Variants in C16orf87 observed in about 807,000 individuals in gnomAD.
C16orf87 encodes UPF0547 protein C16orf87.
Under a neutral mutation model 21.0 loss-of-function variants are expected in C16orf87, and 13 were observed. The observed-to-expected ratio is 0.62, with a 90% CI of 0.40 to 0.98. The LOEUF (loss-of-function observed/expected upper bound fraction) is 0.98, where lower values mean the gene tolerates loss of function less well. Ranked by LOEUF, C16orf87 falls within the 50% of genes least tolerant of loss-of-function variation. The probability of loss-of-function intolerance (pLI) is 0.00; values close to 1 mark genes in which losing one functional copy is unlikely to be tolerated. For synonymous variants in C16orf87, 49 were observed against 60.2 expected, an observed-to-expected ratio of 0.81 and a Z score of 0.86; for missense variants, 113 against 180.4, an observed-to-expected ratio of 0.63 and a Z score of 2.14.
In C16orf87 at chr16:46,797,154, C is replaced by T. The variant is rs891565102; in HGVS notation, c.*5798G>A. The T allele has an allele frequency of 2.0e-5, 3 of 152,110 alleles. No individual in the cohort carries two copies. The highest frequency in any genetic ancestry group is 6.5e-5 in the Admixed American group (1 of 15,280). 9.4% of individuals were successfully genotyped at this position (152,110 alleles called of 1,614,324 possible). On this transcript the variant is annotated 3_prime_UTR_variant, in exon 4 of 4. Coordinates refer to ENST00000285697, the MANE Select transcript of C16orf87 (RefSeq NM_001001436.4). ...AAAAAATAAGAGAATTAAATGTCAA[C>T]AGACCTGCACTAAAAGAAATTTTCC...
Position 46,824,345 on chromosome 16 carries a change from TCTACATCAAAAAGCTAAAAATGTA to T in C16orf87, c.163+17_163+40del. 1 of 882,576 alleles carries T rather than the reference TCTACATCAAAAAGCTAAAAATGTA, an allele frequency of 1.1e-6. No homozygotes were observed. The highest frequency in any genetic ancestry group is 1.8e-6 in the Non-Finnish European group (1 of 547,286). 54.7% of individuals were successfully genotyped at this position (882,576 alleles called of 1,614,324 possible). ...ACTTCACAAAAATTAACTTTACATT[TCTACATCAAAAAGCTAAAAATGTA>T]TTAAACTCACAGTTACCTGTAGAAG... On this transcript the variant is annotated intron_variant, in intron 2 of 3. Transcript: ENST00000285697.
At chr16:46,812,067 A>C (rs531366213) in intron 2 of C16orf87, among the ~76,000 whole-genome samples, 1 of 152,282 alleles carries the variant, frequency 6.6e-6, no homozygotes, top group South Asian at 2.1e-4. Context: ...AACATGATGA[A>C]ACCCCATCTC....
chr16:46,822,916 A>G (rs758536144), intron 2 of C16orf87, among the ~76,000 whole-genome samples: 1 of 152,160 alleles, frequency 6.6e-6, no homozygotes. Flanking sequence ...AGCCCTATAC[A>G]ATCTAGCCTC....
At chr16:46,803,557 C>G (rs1301874233) in intron 3 of C16orf87, among the ~76,000 whole-genome samples, 1 of 152,068 alleles carries the variant, frequency 6.6e-6, no homozygotes, top group East Asian at 1.9e-4. Context: ...AAAAATCACT[C>G]GTAATCTCAT....
intron 3 of C16orf87, among the ~76,000 whole-genome samples, chr16:46,806,577 T>C (rs1289004803): frequency 1.3e-5 from 2 of 152,182 alleles, no homozygotes; most frequent in African/African-American, 4.8e-5. Flanking sequence ...CTTAAGTTCA[T>C]TAATATGATG....
intron 1 of C16orf87, among the ~76,000 whole-genome samples, chr16:46,829,988 T>A (rs1265809527): frequency 1.3e-5 from 2 of 148,458 alleles, no homozygotes; most frequent in Non-Finnish European, 3.0e-5. Flanking sequence ...TTTGAAAAAA[T>A]CCACTCAGTG....
At chr16:46,813,026 G>A (rs190724220) in intron 2 of C16orf87, among the ~76,000 whole-genome samples, 5 of 152,038 alleles carry the variant, frequency 3.3e-5, no homozygotes, top group Admixed American at 1.3e-4. Context: ...CCAATCTAAC[G>A]TCAAGGCCCC....
At chr16:46,809,244 G>C (rs893128189) in intron 3 of C16orf87, among the ~76,000 whole-genome samples, 13 of 150,524 alleles carry the variant, frequency 8.6e-5, no homozygotes, top group African/African-American at 3.2e-4. Flanking sequence ...CCATGACCGC[G>C]CCACTGCACT....
At chr16:46,830,264 C>CAGAGAGAGAGAGAGAGAGAGAGAG (rs1253533207) in intron 1 of C16orf87, among the ~76,000 whole-genome samples, 2 of 41,218 alleles carry the variant, frequency 4.9e-5, no homozygotes, top group East Asian at 8.6e-4. Flanking sequence ...TAGAGAGAGA[C>CAGAGAGAGAGAGAGAGAGAGAGAG]AGACAGAGAG....
chr16:46,811,009 G>T (rs1358407955), intron 2 of C16orf87, among the ~76,000 whole-genome samples: 4 of 152,140 alleles, frequency 2.6e-5, no homozygotes, highest in Non-Finnish European at 5.9e-5. Flanking sequence ...CTTAAATATA[G>T]GGCAAGAACA....
rs911061302 is a variant in C16orf87 at position 46,797,351 on chromosome 16, A to G, written c.*5601T>C. On this transcript the variant is annotated 3_prime_UTR_variant, in exon 4 of 4. Transcript: ENST00000285697. ...CATTATCTGATGAGTCTTATTTTTTATTTTTATTTTTTGAGACACAGTGTC... is the reference window on the plus strand; with the variant it reads ...CATTATCTGATGAGTCTTATTTTTTGTTTTTATTTTTTGAGACACAGTGTC... The G allele has an allele frequency of 1.3e-5, 2 of 151,164 alleles. No homozygotes were observed. Among genetic ancestry groups the G allele is most frequent in the Non-Finnish European group, 2.9e-5 (2 of 67,980 alleles). 9.4% of individuals were successfully genotyped at this position (151,164 alleles called of 1,614,324 possible).
chr16:46,811,638 A>G (rs1968089070), intron 2 of C16orf87, among the ~76,000 whole-genome samples: 1 of 152,176 alleles, frequency 6.6e-6, no homozygotes, highest in Admixed American at 6.5e-5. Flanking sequence ...CTTACAACTA[A>G]TAGGAAAAAG....
At chr16:46,806,123 A>T (rs1967920839) in intron 3 of C16orf87, among the ~76,000 whole-genome samples, 1 of 152,192 alleles carries the variant, frequency 6.6e-6, no homozygotes, top group African/African-American at 2.4e-5. Context: ...TTCCAGACAT[A>T]ACTGATACAC....
At chr16:46,808,780 A>C (rs1277967671) in intron 3 of C16orf87, among the ~76,000 whole-genome samples, 1 of 152,100 alleles carries the variant, frequency 6.6e-6, no homozygotes, top group Non-Finnish European at 1.5e-5. Context: ...TTAATGTCTA[A>C]AAACAAGCTA....
intron 2 of C16orf87, among the ~76,000 whole-genome samples, chr16:46,819,036 T>C (rs1453468219): frequency 1.3e-5 from 2 of 152,192 alleles, no homozygotes; most frequent in African/African-American, 4.8e-5. Context: ...ACATAGGGTG[T>C]GCCCCAAAAA....
In C16orf87 at chr16:46,824,366, T is replaced by C. The variant is rs763645568; in HGVS notation, c.163+20A>G. On this transcript the variant is annotated intron_variant, in intron 2 of 3. Coordinates refer to ENST00000285697, the MANE Select transcript of C16orf87 (RefSeq NM_001001436.4). ...CATTTCTACATCAAAAAGCTAAAAATGTATTAAACTCACAGTTACCTGTAG... is the reference window on the plus strand; with the variant it reads ...CATTTCTACATCAAAAAGCTAAAAACGTATTAAACTCACAGTTACCTGTAG... 1.9e-6 allele frequency: 2 copies of C among 1,068,768 alleles called. No homozygotes were observed. Among genetic ancestry groups the C allele is most frequent in the East Asian group, 2.5e-5 (1 of 40,750 alleles). The allele number at this position is 1,068,768 out of a possible 1,614,324, so 66.2% of individuals were successfully genotyped here.
chr16:46,830,981 C>T, intron 1 of C16orf87, 103 bp downstream of exon 1: 1 of 819,926 alleles, frequency 1.2e-6, no homozygotes, highest in Non-Finnish European at 1.8e-6. Context: ...GCCCCAGGAT[C>T]TGCCCACCGC....
chr16:46,806,988 GC>G (rs1346170259), intron 3 of C16orf87, among the ~76,000 whole-genome samples: 1 of 152,204 alleles, frequency 6.6e-6, no homozygotes, highest in Non-Finnish European at 1.5e-5. Context: ...TAGCTATTTA[GC>G]ACTAAGAAGC....
chr16:46,809,063 C>A (rs907359505), intron 3 of C16orf87, among the ~76,000 whole-genome samples: 1 of 149,792 alleles, frequency 6.7e-6, no homozygotes, highest in African/African-American at 2.5e-5. Flanking sequence ...TTTGGGAGGC[C>A]AAGGAGGGCA....
Sources: allele counts gnomAD v4.1 joint callset (sites outside exome capture counted in the v4.1 genomes callset), GRCh38; gene constraint gnomAD v4.1.1; transcripts MANE v1.5; gene names NCBI Gene and HGNC (gene_info 2026-07-23, HGNC 2026-07-21).